The following ITGB4 variants were observed in gnomAD, a reference collection of about 807,000 sequenced individuals.
The protein encoded by ITGB4 is integrin subunit beta 4.
A neutral mutation model predicts 207.6 loss-of-function variants in ITGB4; 159 were observed. The ratio of observed to expected loss-of-function variants is 0.77; its 90% CI spans 0.67 to 0.87. ITGB4 has a LOEUF of 0.87. Ranked by LOEUF, ITGB4 falls within the 40% of genes least tolerant of loss-of-function variation. The probability of loss-of-function intolerance (pLI) is 0.00; values close to 1 mark genes in which losing one functional copy is unlikely to be tolerated. For synonymous variants in ITGB4, 1,020 were observed against 1,062.7 expected (o/e 0.96, Z 0.78); for missense variants, 2,278 against 2,546.8 (o/e 0.89, Z 2.27).
chr17:75,724,820 A>G lies in ITGB4; in HGVS notation c.79+38A>G, dbSNP rs820167. On this transcript the variant is annotated intron_variant, in intron 2 of 39. Coordinates refer to ENST00000200181, the MANE Select transcript of ITGB4 (RefSeq NM_000213.5). ...TGCCCTGCAGCCCCCTCCTGGCAGG[A>G]TCATCCCTTGGGCAGGCATTGCCCT... The G allele has an allele frequency of 1, 1,551,864 of 1,558,724 alleles. 772,772 individuals are homozygous for G. The highest frequency in any genetic ancestry group is 1 in the East Asian group (44,616 of 44,616).
intron 12 of ITGB4, among the ~76,000 whole-genome samples, chr17:75,733,121 G>C (rs1439667378): frequency 6.7e-6 from 1 of 150,190 alleles, no homozygotes; most frequent in Non-Finnish European, 1.5e-5. Context: ...AGGCGCGGTG[G>C]CTTACGCCTG....
rs1409450322 is a variant in ITGB4 at position 75,740,093 on chromosome 17, A to G, written c.2446+22A>G. The G allele has an allele frequency of 6.2e-7, 1 of 1,603,120 alleles. No individual in the cohort carries two copies. ...CTGGGTGAGGGCGGGGCTGGGCGCC[A>G]CAGCTCTGGGCAGTGCCCTTCGGGC... On this transcript the variant is annotated intron_variant, in intron 20 of 39. Transcript: ENST00000200181. The surrounding 1 kb of genome is among the most constrained non-coding windows in gnomAD (Gnocchi z 5.9).
Position 75,731,970 on chromosome 17 carries a change from G to C in ITGB4, c.1374G>C (p.Glu458Asp), listed in dbSNP as rs369171710. 144 of 1,613,924 alleles carry C rather than the reference G, an allele frequency of 8.9e-5. 1 individual carries two copies. Among genetic ancestry groups the C allele is most frequent in the Non-Finnish European group, 7.8e-5 (92 of 1,180,050 alleles). ...TCATCTGTGATGTGTGCACCTGCGA[G>C]CTGGTACAACGCAGCCCCGCAGGGC... ...AGIICDVCTC[E>D]LQKEVRSARC... The change falls in exon 11 of 40, where the codon GAG becomes GAC. Residue 458 changes from glutamate (E) to aspartate (D), a missense_variant. Glu to Asp is a conservative substitution (Grantham distance 45). Coordinates refer to ENST00000200181, the MANE Select transcript of ITGB4 (RefSeq NM_000213.5). The surrounding 1 kb of genome is among the most constrained non-coding windows in gnomAD (Gnocchi z 6.8).
intron 12 of ITGB4, among the ~76,000 whole-genome samples, chr17:75,733,137 T>C (rs1310169674): frequency 6.9e-6 from 1 of 145,908 alleles, no homozygotes; most frequent in Non-Finnish European, 1.5e-5. Flanking sequence ...GCCTGTAATT[T>C]CAGCACTTTG....
Position 75,732,087 on chromosome 17 carries a change from C to G in ITGB4, c.1378-76C>G. On this transcript the variant is annotated intron_variant, in intron 11 of 39. Transcript: ENST00000200181. This position sits in a 1 kb window ranked among gnomAD's most constrained non-coding sequence, Gnocchi z 5.3. ...ATCCCTTGTGGGGTTTCCCGAGGCACACAGGAGAGCGGAAGTGTCCAGTGG... is the reference window on the plus strand; with the variant it reads ...ATCCCTTGTGGGGTTTCCCGAGGCAGACAGGAGAGCGGAAGTGTCCAGTGG... The G allele has an allele frequency of 6.2e-7, 1 of 1,607,164 alleles. No individual in the cohort carries two copies. The highest frequency in any genetic ancestry group is 8.5e-7 in the Non-Finnish European group (1 of 1,174,226).
rs952610386 is a variant in ITGB4 at position 75,721,512 on chromosome 17, G to A, written c.-111G>A. The A allele has an allele frequency of 2.1e-5, 3 of 141,320 alleles. No homozygotes were observed. The highest frequency in any genetic ancestry group is 7.7e-5 in the African/African-American group (3 of 38,918). 8.8% of individuals were successfully genotyped at this position (141,320 alleles called of 1,614,324 possible). On this transcript the variant is annotated 5_prime_UTR_variant, in exon 1 of 40. Coordinates refer to ENST00000200181, the MANE Select transcript of ITGB4 (RefSeq NM_000213.5). Reference sequence around the variant, plus strand: ...AGTCCCTGCTCGCCCGCGCGCTGCAGCCCCATCTCCTAGCGGCAGCCCAGG... The same window carrying A: ...AGTCCCTGCTCGCCCGCGCGCTGCAACCCCATCTCCTAGCGGCAGCCCAGG...
Position 75,740,170 on chromosome 17 carries a change from G to T in ITGB4, c.2446+99G>T, listed in dbSNP as rs1042425097. On this transcript the variant is annotated intron_variant, in intron 20 of 39. Coordinates refer to ENST00000200181, the MANE Select transcript of ITGB4 (RefSeq NM_000213.5). The surrounding 1 kb of genome is among the most constrained non-coding windows in gnomAD (Gnocchi z 5.9). The stretch of plus-strand genomic sequence containing the variant: ...CATGCCTCTTCTCTGGGTGTGGGGT[G>T]CAGGCACAGGGCTCAGCCACCTTTT... The T allele has an allele frequency of 5.1e-6, 7 of 1,361,080 alleles. No individual in the cohort carries two copies. The African/African-American group carries it at 8.6e-5, about 17-fold the overall frequency. 84.3% of individuals were successfully genotyped at this position (1,361,080 alleles called of 1,614,324 possible).
In ITGB4 at chr17:75,750,024, C is replaced by A; in HGVS notation, c.3317-87C>A. ...TCTGAGTTGAATGCGCTGGGTAGAG[C>A]GCCCTGGGTGTTGAAGTGGGTCTCT... On this transcript the variant is annotated intron_variant, in intron 27 of 39. Transcript: ENST00000200181. The surrounding 1 kb of genome is among the most constrained non-coding windows in gnomAD (Gnocchi z 5.5). 1 of 1,540,342 alleles carries A rather than the reference C, an allele frequency of 6.5e-7. No homozygotes were observed. The highest frequency in any genetic ancestry group is 9.0e-7 in the Non-Finnish European group (1 of 1,114,266).
At position 75,750,690 on chromosome 17, in the gene ITGB4, G is replaced by T; in HGVS notation, c.3485G>T (p.Trp1162Leu). The change falls in exon 29 of 40, where the codon TGG becomes TTG. Residue 1162 changes from tryptophan to leucine, a missense_variant. Trp to Leu is a moderately conservative substitution (Grantham distance 61). Transcript: ENST00000200181. This position sits in a 1 kb window ranked among gnomAD's most constrained non-coding sequence, Gnocchi z 5.5. ...TGTCCCTGGGGGTAGGTAAAGTACT[G>T]GATTCAGGGTGACTCCGAATCCGAA... ...GKPMGYRVKYWIQGDSESEAH... is the reference protein window; with the variant it reads ...GKPMGYRVKYLIQGDSESEAH... The T allele has an allele frequency of 6.2e-7, 1 of 1,613,148 alleles. No individual in the cohort carries two copies.
At chr17:75,723,847 T>C (rs2060664286) in intron 1 of ITGB4, among the ~76,000 whole-genome samples, 1 of 152,258 alleles carries the variant, frequency 6.6e-6, no homozygotes, top group Non-Finnish European at 1.5e-5. Flanking sequence ...CCTGGATGGC[T>C]CTGCCGCCAG....
In ITGB4 at chr17:75,740,997, C is replaced by G; in HGVS notation, c.2625C>G (p.Ala875=). The change falls in exon 23 of 40, where the codon GCC becomes GCG. Residue 875 remains alanine, a synonymous_variant. Transcript: ENST00000200181. The surrounding 1 kb of genome is among the most constrained non-coding windows in gnomAD (Gnocchi z 5.9). ...GTCCCCACAGGCAGCAGCCCAATGC[C>G]GGGAAAAAGTGAGTAGAAGACTCGT... ...QQTKFRQQPN[A]GKKQDHTIVD... The G allele has an allele frequency of 1.2e-6, 2 of 1,613,698 alleles. No individual in the cohort carries two copies. The highest frequency in any genetic ancestry group is 1.7e-6 in the Non-Finnish European group (2 of 1,180,008).
chr17:75,745,336 T>C (rs560054305), intron 26 of ITGB4, among the ~76,000 whole-genome samples: 2 of 152,150 alleles, frequency 1.3e-5, no homozygotes, highest in Admixed American at 6.5e-5. Context: ...GAGGCTACAG[T>C]GAGCCATGTT....
At position 75,757,290 on chromosome 17, in the gene ITGB4, C is replaced by G. The variant is rs1023805043; in HGVS notation, c.5309C>G (p.Ala1770Gly). 1.2e-5 allele frequency: 19 copies of G among 1,612,118 alleles called. No homozygotes were observed. The African/African-American group carries it at 1.7e-4, about 15-fold the overall frequency. ...AGCATCACCACCACCCACACCAGCG[C>G]CACCGAGCCCTTCCTAGTGGGTGAG... ...YSSITTTHTSATEPFLVDGLT... is the reference protein window; with the variant it reads ...YSSITTTHTSGTEPFLVDGLT... Residue 1770 changes from alanine to glycine, a missense_variant, in exon 39 of 40, where the codon GCC (alanine) becomes GGC (glycine). Transcript: ENST00000200181.
At position 75,743,747 on chromosome 17, in the gene ITGB4, C is replaced by A; in HGVS notation, c.2997C>A (p.Phe999Leu). The A allele has an allele frequency of 6.2e-7, 1 of 1,613,602 alleles. No individual in the cohort carries two copies. The highest frequency in any genetic ancestry group is 8.5e-7 in the Non-Finnish European group (1 of 1,180,018). Residue 999 changes from phenylalanine to leucine, a missense_variant, in exon 26 of 40, where the codon TTC becomes TTA. By Grantham distance (22) the Phe-to-Leu change is conservative (BLOSUM62 0). Transcript: ENST00000200181. ...RDVVSFEQPE[F>L]SVSRGDQVAR... is the part of the protein sequence containing the mutation. ...TGGTGTCCTTTGAGCAGCCTGAGTTCTCGGTCAGCCGCGGGGACCAGGTGG... is the reference window on the plus strand; with the variant it reads ...TGGTGTCCTTTGAGCAGCCTGAGTTATCGGTCAGCCGCGGGGACCAGGTGG...
chr17:75,753,116 C>T (rs2061405624), intron 32 of ITGB4, among the ~76,000 whole-genome samples: 1 of 152,262 alleles, frequency 6.6e-6, no homozygotes, highest in African/African-American at 2.4e-5. Flanking sequence ...CTTTTCTGCT[C>T]TGTATAATGG....
chr17:75,754,768 C>T lies in ITGB4; in HGVS notation c.4511C>T (p.Thr1504Ile). 6.2e-7 allele frequency: 1 copy of T among 1,612,644 alleles called. No homozygotes were observed. The highest frequency in any genetic ancestry group is 8.5e-7 in the Non-Finnish European group (1 of 1,178,968). The stretch of plus-strand genomic sequence containing the variant: ...ACCCGCTCAGAACACTCACACTCGA[C>T]CACACTGCCCAGGGACTACTCCACC... Reference protein sequence around the residue: ...SLTRSEHSHSTTLPRDYSTLT... With the variant: ...SLTRSEHSHSITLPRDYSTLT... The change falls in exon 34 of 40, where the codon ACC (threonine) becomes ATC (isoleucine). Residue 1504 changes from threonine (T) to isoleucine (I), a missense_variant. Transcript: ENST00000200181.
chr17:75,730,527 G>A, intron 8 of ITGB4, 23 bp downstream of exon 8: 1 of 1,612,986 alleles, frequency 6.2e-7, no homozygotes, highest in Non-Finnish European at 8.5e-7. Flanking sequence ...GGTCCCACGG[G>A]TGGGAGGTGG....
At chr17:75,730,818 A>G in intron 8 of ITGB4, 57 bp from the exon 9 acceptor site, 1 of 1,435,608 alleles carries the variant, frequency 7.0e-7, no homozygotes, top group South Asian at 1.1e-5. Context: ...GAAGAATCCT[A>G]GAGCTGTTCA....
In ITGB4 at chr17:75,729,683, A is replaced by T. The variant is rs1297455296; in HGVS notation, c.738+247A>T. Reference sequence around the variant, plus strand: ...AGCAGTCACAGCCTGGTTTCGTATCAGCTACCAAGGCAGACCTGGGCTTTA... The same window carrying T: ...AGCAGTCACAGCCTGGTTTCGTATCTGCTACCAAGGCAGACCTGGGCTTTA... On this transcript the variant is annotated intron_variant, in intron 7 of 39. Transcript: ENST00000200181. The surrounding 1 kb of genome is among the most constrained non-coding windows in gnomAD (Gnocchi z 4.4). Among the ~76,000 whole-genome samples the T allele has an allele frequency of 6.6e-6, 1 of 152,214 alleles. No homozygotes were observed. The highest frequency in any genetic ancestry group is 6.5e-5 in the Admixed American group (1 of 15,278).
Sources: allele counts gnomAD v4.1 joint callset (sites outside exome capture counted in the v4.1 genomes callset), GRCh38; gene constraint gnomAD v4.1.1; non-coding constraint Gnocchi (gnomAD v3.1); transcripts MANE v1.5; gene names NCBI Gene and HGNC (gene_info 2026-07-23, HGNC 2026-07-21).